Variants in SGCB observed in about 807,000 individuals in gnomAD.
The protein encoded by SGCB is sarcoglycan beta.
Under a neutral mutation model 27.3 loss-of-function variants are expected in SGCB, and 25 were observed. The ratio of observed to expected loss-of-function variants is 0.92; its 90% CI spans 0.67 to 1.28. SGCB has a LOEUF of 1.28. SGCB is among the 50% of genes most tolerant of loss of function. The probability of loss-of-function intolerance (pLI) is 0.00; values close to 1 mark genes in which losing one functional copy is unlikely to be tolerated. For missense variants in SGCB, 436 were observed against 402.1 expected, an observed-to-expected ratio of 1.08 and a Z score of -0.72; for synonymous variants, 147 against 133.5, an observed-to-expected ratio of 1.10 and a Z score of -0.70.
intron 5 of SGCB, among the ~76,000 whole-genome samples, chr4:52,026,246 GTT>G (rs1449209712): frequency 9.3e-6 from 1 of 107,760 alleles, no homozygotes; most frequent in African/African-American, 3.5e-5. Flanking sequence ...GTTTTTTGTT[GTT>G]GGTTTTTTTT....
chr4:52,038,172 C>G, intron 1 of SGCB, 55 bp downstream of exon 1: 1 of 1,179,174 alleles, frequency 8.5e-7, no homozygotes, highest in Non-Finnish European at 1.0e-6. Context: ...GCCCAGCCGG[C>G]AGGACGCGGC....
At position 52,033,436 on chromosome 4, in the gene SGCB, A is replaced by C. The variant is rs146150527; in HGVS notation, c.238T>G (p.Leu80Val). The C allele has an allele frequency of 4.4e-6, 7 of 1,605,674 alleles. No individual in the cohort carries two copies. The African/African-American group carries it at 8.0e-5, about 18-fold the overall frequency. The change falls in exon 2 of 6, where the codon TTA becomes GTA. Residue 80 changes from leucine (L) to valine (V), a missense_variant. Physicochemically the swap from Leu to Val is conservative, Grantham distance 32 (BLOSUM62 1). Coordinates refer to ENST00000381431, the MANE Select transcript of SGCB (RefSeq NM_000232.5). ...GTATTCTTACAAATACTCACTATTA[A>C]ATTGATGACAGCCAGGATAAACAAG... ...ILLFILAVIN[L>V]IITLVIWAVI...
intron 5 of SGCB, among the ~76,000 whole-genome samples, chr4:52,025,761 G>C (rs142601223): frequency 2.6e-5 from 4 of 152,314 alleles, no homozygotes; most frequent in East Asian, 3.9e-4. Context: ...CAACCATCCA[G>C]GCAGGGAATG....
At position 52,023,948 on chromosome 4, in the gene SGCB, G is replaced by A. The variant is rs763674136; in HGVS notation, c.*9C>T. On this transcript the variant is annotated 3_prime_UTR_variant, in exon 6 of 6. Transcript: ENST00000381431. ...AGATATAAACATGTTGGTGACCTCT[G>A]GGGTTCTTTTAATGAGTGTTTCCAC... 1 of 1,611,572 alleles carries A rather than the reference G, an allele frequency of 6.2e-7. No homozygotes were observed. The highest frequency in any genetic ancestry group is 1.7e-5 in the Admixed American group (1 of 60,034).
intron 2 of SGCB, among the ~76,000 whole-genome samples, chr4:52,031,454 G>A (rs1039700175): frequency 1.6e-4 from 23 of 145,336 alleles, no homozygotes; most frequent in East Asian, 2.0e-4. Flanking sequence ...GTGTGTGCAC[G>A]CGCATATCTA....
rs1043009146 is a variant in SGCB, at chr4:52,038,170, G to A, written c.33+57C>T. Reference sequence around the variant, plus strand: ...GGCCAGGGCTCCCGCGGGCCCAGCCGGCAGGACGCGGCCTCCCCCGCTCCT... The same window carrying A: ...GGCCAGGGCTCCCGCGGGCCCAGCCAGCAGGACGCGGCCTCCCCCGCTCCT... On this transcript the variant is annotated intron_variant, in intron 1 of 5. Transcript: ENST00000381431. 2.4e-4 allele frequency: 275 copies of A among 1,132,366 alleles called. 4 individuals carry two copies. The Admixed American group carries it at 0.013, about 53-fold the overall frequency. 70.1% of individuals were successfully genotyped at this position (1,132,366 alleles called of 1,614,324 possible).
intron 2 of SGCB, among the ~76,000 whole-genome samples, chr4:52,031,335 TCTACCTACCTAC>T (rs574355864): frequency 6.6e-6 from 1 of 151,742 alleles, no homozygotes; most frequent in Non-Finnish European, 1.5e-5. Context: ...CTTCTGTCTA[TCTACCTACCTAC>T]CTACCTACCT....
chr4:52,038,202 C>A, intron 1 of SGCB, 25 bp downstream of exon 1: 1 of 1,232,450 alleles, frequency 8.1e-7, no homozygotes, highest in Non-Finnish European at 1.0e-6. Flanking sequence ...TCCTCCAGCC[C>A]GCGGCCGCGG....
At chr4:52,033,161 C>T (rs1737295180) in intron 2 of SGCB, among the ~76,000 whole-genome samples, 1 of 152,156 alleles carries the variant, frequency 6.6e-6, no homozygotes, top group African/African-American at 2.4e-5. Flanking sequence ...AAGTCTCATG[C>T]TCTACCGATT....
chr4:52,027,802 A>G, intron 5 of SGCB, among the ~76,000 whole-genome samples, 166 bp downstream of exon 5: 1 of 152,224 alleles, frequency 6.6e-6, no homozygotes, highest in East Asian at 1.9e-4. Context: ...AATGAATTTC[A>G]CAAATTGTTT....
At chr4:52,029,564 T>A in intron 3 of SGCB, 114 bp downstream of exon 3, 2 of 666,570 alleles carry the variant, frequency 3.0e-6, no homozygotes, top group Non-Finnish European at 5.4e-6. Context: ...ATAAATATAC[T>A]AATTTTTCTA....
At chr4:52,033,402 T>C (rs368665424) in intron 2 of SGCB, 29 bp downstream of exon 2, 1 of 1,475,286 alleles carries the variant, frequency 6.8e-7, no homozygotes, top group African/African-American at 1.4e-5. Flanking sequence ...CCCATGGCAA[T>C]TAAAATGAGT....
At chr4:52,038,093 C>CCTGCGCGCCTGCGCTTG in intron 1 of SGCB, 134 bp downstream of exon 1, 1 of 419,208 alleles carries the variant, frequency 2.4e-6, no homozygotes, top group Non-Finnish European at 3.3e-6. Context: ...CCGCCCCGCC[C>CCTGCGCGCCTGCGCTTG]CGATCGGCCC....
intron 5 of SGCB, 87 bp from the exon 6 acceptor site, chr4:52,024,247 T>C (rs1209153141): frequency 7.0e-6 from 7 of 999,516 alleles, no homozygotes; most frequent in Admixed American, 2.0e-5. Context: ...GAAATATCAA[T>C]GAGAAAAGCA....
rs1553940064 is a variant in SGCB at position 52,027,996 on chromosome 4, T to G, written c.725A>C (p.His242Pro). 1.2e-6 allele frequency: 2 copies of G among 1,613,886 alleles called. No homozygotes were observed. The highest frequency in any genetic ancestry group is 1.7e-6 in the Non-Finnish European group (2 of 1,179,814). The change falls in exon 5 of 6, where the codon CAC (histidine) becomes CCC (proline). Residue 242 changes from histidine (H) to proline (P), a missense_variant. By Grantham distance (77) the His-to-Pro change is moderately conservative. Transcript: ENST00000381431. ...VFIMGKTIEFHMGGNMELKAE... is the reference protein window; with the variant it reads ...VFIMGKTIEFPMGGNMELKAE... ...CTTTAACTCCATATTACCACCCATG[T>G]GAAATTCAATGGTTTTGCCCATAAT...
chr4:52,026,852 C>T (rs142947124), intron 5 of SGCB, among the ~76,000 whole-genome samples: 23 of 152,268 alleles, frequency 1.5e-4, no homozygotes, highest in African/African-American at 4.8e-4. Flanking sequence ...AAACAAATCT[C>T]TTGCTTCTGT....
chr4:52,023,964 G>C lies in SGCB; in HGVS notation c.950C>G (p.Thr317Ser). 6.2e-7 allele frequency: 1 copy of C among 1,613,896 alleles called. No individual in the cohort carries two copies. Among genetic ancestry groups the C allele is most frequent in the South Asian group, 1.1e-5 (1 of 91,080 alleles). Residue 317 changes from threonine to serine, a missense_variant, in exon 6 of 6, where the codon ACT becomes AGT. Thr to Ser is a moderately conservative substitution (Grantham distance 58). Coordinates refer to ENST00000381431, the MANE Select transcript of SGCB (RefSeq NM_000232.5). ...CQISDNPCGN[T>S]H ...GTGACCTCTGGGGTTCTTTTAATGAGTGTTTCCACAGGGGTTGTCTGAGAT... is the reference window on the plus strand; with the variant it reads ...GTGACCTCTGGGGTTCTTTTAATGACTGTTTCCACAGGGGTTGTCTGAGAT...
intron 5 of SGCB, among the ~76,000 whole-genome samples, chr4:52,027,344 A>G (rs1382010388): frequency 6.6e-6 from 1 of 152,128 alleles, no homozygotes; most frequent in Non-Finnish European, 1.5e-5. Context: ...TGTTAAGCAC[A>G]AAGAAAATTC....
chr4:52,035,583 A>G (rs1737365715), intron 1 of SGCB, among the ~76,000 whole-genome samples: 1 of 152,204 alleles, frequency 6.6e-6, no homozygotes, highest in Non-Finnish European at 1.5e-5. Flanking sequence ...GTTTTTGAGC[A>G]CAAATTCAGA....
Sources: allele counts gnomAD v4.1 joint callset (sites outside exome capture counted in the v4.1 genomes callset), GRCh38; gene constraint gnomAD v4.1.1; transcripts MANE v1.5; gene names NCBI Gene and HGNC (gene_info 2026-07-23, HGNC 2026-07-21).